Variants in FBXO34 observed in about 807,000 individuals in gnomAD.
The protein encoded by FBXO34 is F-box protein 34, also known as F-box only protein 34.
Under a neutral mutation model 24.5 loss-of-function variants are expected in FBXO34, and 12 were observed. That is an observed-to-expected ratio of 0.49 (90% CI 0.31 to 0.79). The LOEUF (loss-of-function observed/expected upper bound fraction) is 0.79, where lower values mean the gene tolerates loss of function less well. Ranked by LOEUF, FBXO34 falls within the 30% of genes least tolerant of loss-of-function variation. The pLI, the probability that FBXO34 is intolerant of heterozygous loss-of-function variation, is 0.04. For missense variants in FBXO34, 823 were observed against 857.7 expected, an observed-to-expected ratio of 0.96 and a Z score of 0.51; for synonymous variants, 320 against 311.9, an observed-to-expected ratio of 1.03 and a Z score of -0.27.
chr14:55,413,539 A>AT, the FBXO34 span: 252 of 395,076 alleles, frequency 6.4e-4, 1 homozygote, highest in East Asian at 0.01. Context: ...ACAGTTCAGA[A>AT]TTTTTTTTGA....
In FBXO34 at chr14:55,351,371, A is replaced by T. The variant is rs373511252; in HGVS notation, c.981A>T (p.Lys327Asn). 21 of 1,614,088 alleles carry T rather than the reference A, an allele frequency of 1.3e-5. No homozygotes were observed. Among genetic ancestry groups the T allele is most frequent in the Middle Eastern group, 3.3e-4 (2 of 6,084 alleles). ...LANSTQADEG[K>N]TKKGVLEAPD... ...ATAGCACTCAGGCTGATGAAGGCAA[A>T]ACAAAGAAAGGCGTCTTGGAGGCAC... The change falls in exon 2 of 2, where the codon AAA (lysine) becomes AAT (asparagine). Residue 327 changes from lysine to asparagine, a missense_variant. Lys to Asn is a moderately conservative substitution (Grantham distance 94). Coordinates refer to ENST00000313833, the MANE Select transcript of FBXO34 (RefSeq NM_017943.4).
chr14:55,430,423 A>T, the FBXO34 span, among the ~76,000 whole-genome samples: 1 of 133,816 alleles, frequency 7.5e-6, no homozygotes, highest in Non-Finnish European at 1.6e-5. Flanking sequence ...AAAAAAAAAA[A>T]GAGATTGGGT....
chr14:55,358,088 C>A (rs540858006), downstream of FBXO34, among the ~76,000 whole-genome samples: 2 of 152,168 alleles, frequency 1.3e-5, 1 homozygote, highest in African/African-American at 4.8e-5. Flanking sequence ...CAATCCTCCC[C>A]TATACAGACA....
chr14:55,423,932 A>T, the FBXO34 span, among the ~76,000 whole-genome samples: 1 of 152,388 alleles, frequency 6.6e-6, no homozygotes, highest in Admixed American at 6.5e-5. Context: ...TAAAAAAATC[A>T]GGATGTAAAG....
At chr14:55,428,794 A>G in the FBXO34 span, 2 of 1,611,592 alleles carry the variant, frequency 1.2e-6, no homozygotes, top group East Asian at 4.5e-5. Flanking sequence ...TTCAAGCTAT[A>G]TAACCGTCAT....
At chr14:55,280,526 A>AAT (rs201409175) in intron 1 of FBXO34, among the ~76,000 whole-genome samples, 2 of 95,896 alleles carry the variant, frequency 2.1e-5, no homozygotes, top group African/African-American at 7.7e-5. Flanking sequence ...TATATCAGGA[A>AAT]CTTTTTTTTT....
At chr14:55,418,425 G>A in the FBXO34 span, among the ~76,000 whole-genome samples, 1 of 152,140 alleles carries the variant, frequency 6.6e-6, no homozygotes, top group Non-Finnish European at 1.5e-5. Flanking sequence ...ATATTTTCCC[G>A]AGTGATGCCA....
At chr14:55,399,530 CAA>C in the FBXO34 span, among the ~76,000 whole-genome samples, 1 of 152,206 alleles carries the variant, frequency 6.6e-6, no homozygotes, top group African/African-American at 2.4e-5. Context: ...ACCTGCAACA[CAA>C]AACAAGGCAT....
the FBXO34 span, among the ~76,000 whole-genome samples, chr14:55,412,062 C>T: frequency 1.8e-4 from 27 of 152,352 alleles, no homozygotes; most frequent in African/African-American, 6.5e-4. Flanking sequence ...ATGTCATCTG[C>T]TGGCTCAGGC....
the FBXO34 span, among the ~76,000 whole-genome samples, chr14:55,429,172 T>A: frequency 6.6e-6 from 1 of 152,264 alleles, no homozygotes; most frequent in Admixed American, 6.5e-5. Flanking sequence ...ATTGTACAGC[T>A]GTTGAACAGA....
At chr14:55,295,444 G>A (rs1001930674) in intron 1 of FBXO34, among the ~76,000 whole-genome samples, 3 of 146,502 alleles carry the variant, frequency 2.0e-5, no homozygotes, top group Admixed American at 1.4e-4. Context: ...GCCCAGGCTG[G>A]AGTGGAGTGG....
chr14:55,420,450 T>G, the FBXO34 span, among the ~76,000 whole-genome samples: 11 of 152,216 alleles, frequency 7.2e-5, no homozygotes, highest in African/African-American at 2.7e-4. Flanking sequence ...TAACCTAAAC[T>G]GCGTAGCTCT....
the FBXO34 span, chr14:55,411,919 C>A: frequency 6.1e-6 from 7 of 1,152,718 alleles, no homozygotes; most frequent in South Asian, 7.7e-5. Flanking sequence ...GGCTGGGATG[C>A]CGGCGAGCCC....
chr14:55,314,865 C>G (rs1435519806), intron 1 of FBXO34, among the ~76,000 whole-genome samples: 1 of 152,178 alleles, frequency 6.6e-6, no homozygotes, highest in East Asian at 1.9e-4. Context: ...CAGTCTTTCT[C>G]CCACTTCATC....
intron 1 of FBXO34, among the ~76,000 whole-genome samples, chr14:55,320,392 T>A (rs1286199860): frequency 1.3e-5 from 2 of 152,202 alleles, no homozygotes; most frequent in Non-Finnish European, 2.9e-5. Context: ...GTAGGGTGAA[T>A]TTTTTGCCAA....
At chr14:55,395,113 G>C in the FBXO34 span, 24 of 427,030 alleles carry the variant, frequency 5.6e-5, no homozygotes, top group Non-Finnish European at 4.9e-5. Flanking sequence ...ATCCTTTCCT[G>C]CTGCTTTCTC....
At chr14:55,286,762 A>G (rs940066558) in intron 1 of FBXO34, among the ~76,000 whole-genome samples, 8 of 151,972 alleles carry the variant, frequency 5.3e-5, no homozygotes, top group Non-Finnish European at 1.2e-4. Flanking sequence ...CAGGTTGAGT[A>G]TCTCTTATCT....
At chr14:55,328,469 A>G (rs964819555) in intron 1 of FBXO34, among the ~76,000 whole-genome samples, 6 of 152,224 alleles carry the variant, frequency 3.9e-5, no homozygotes, top group African/African-American at 1.4e-4. Flanking sequence ...TGACTAACAC[A>G]TTGGGAAGCC....
chr14:55,344,676 A>G (rs1008420278), intron 1 of FBXO34, among the ~76,000 whole-genome samples: 26 of 151,716 alleles, frequency 1.7e-4, no homozygotes, highest in African/African-American at 6.3e-4. Flanking sequence ...TAAGCCCTGC[A>G]TGCATTAGGT....
Sources: allele counts gnomAD v4.1 joint callset (sites outside exome capture counted in the v4.1 genomes callset), GRCh38; gene constraint gnomAD v4.1.1; transcripts MANE v1.5; gene names NCBI Gene and HGNC (gene_info 2026-07-23, HGNC 2026-07-21).